The following GSR variants were observed in gnomAD, a reference collection of about 807,000 sequenced individuals.
The protein encoded by GSR is glutathione reductase, mitochondrial.
Under a neutral mutation model 56.5 loss-of-function variants are expected in GSR, and 48 were observed. The ratio of observed to expected loss-of-function variants is 0.85; its 90% CI spans 0.67 to 1.08. GSR has a LOEUF of 1.08. Among genes scored for constraint, GSR ranks in the 50% least tolerant of loss-of-function variants. The pLI is 0.00. For synonymous variants in GSR, 264 were observed against 270.8 expected (o/e 0.97, Z 0.25); for missense variants, 694 against 703.3 (o/e 0.99, Z 0.15).
chr8:30,725,212 G>A (rs1472905681), intron 1 of GSR, among the ~76,000 whole-genome samples: 2 of 152,136 alleles, frequency 1.3e-5, no homozygotes, highest in African/African-American at 4.8e-5. Flanking sequence ...GGAGGCCAAG[G>A]CAGGCCGACT....
chr8:30,724,322 T>C (rs1365824933), intron 1 of GSR, among the ~76,000 whole-genome samples: 1 of 152,318 alleles, frequency 6.6e-6, no homozygotes, highest in East Asian at 1.9e-4. Flanking sequence ...ACTGAGTCAC[T>C]GGTTTGCTCA....
At position 30,711,621 on chromosome 8, in the gene GSR, C is replaced by T. The variant is rs182093698; in HGVS notation, c.333+441G>A. Among the ~76,000 whole-genome samples, 514 of 152,222 alleles carry T rather than the reference C, an allele frequency of 3.4e-3. 6 individuals carry two copies. The highest frequency in any genetic ancestry group is 0.011 in the African/African-American group (470 of 41,556). ...CTGAGGTGGGCAGATCACCTGAGGT[C>T]AGGAGTTCGAGACCAGCCTGGCCAA... On this transcript the variant is annotated intron_variant, in intron 2 of 12. Transcript: ENST00000221130.
chr8:30,691,820 CG>C (rs1299883008), intron 8 of GSR, among the ~76,000 whole-genome samples: 1 of 151,536 alleles, frequency 6.6e-6, no homozygotes, highest in Non-Finnish European at 1.5e-5. Context: ...AATCAGGGGC[CG>C]GGTGTGGTGG....
intron 4 of GSR, 34 bp from the exon 5 acceptor site, chr8:30,703,274 A>G: frequency 6.2e-7 from 1 of 1,604,200 alleles, no homozygotes; most frequent in Non-Finnish European, 8.5e-7. Flanking sequence ...GCCTGTTCTT[A>G]GAATAAAAAC....
chr8:30,713,044 T>C (rs1377521938), intron 1 of GSR, among the ~76,000 whole-genome samples: 1 of 152,160 alleles, frequency 6.6e-6, no homozygotes, highest in Non-Finnish European at 1.5e-5. Context: ...AAACTACTTT[T>C]TTTTTTTTTT....
In GSR at chr8:30,727,427, C is replaced by T. The variant is rs2280856; in HGVS notation, c.306+103G>A. ...TTGCGGGGGTGGAAAAGAGGAAAGC[C>T]CAGCGCCGGGGGACAGGATCGCCAT... On this transcript the variant is annotated intron_variant, in intron 1 of 12. Transcript: ENST00000221130. 5.2e-6 allele frequency: 6 copies of T among 1,153,418 alleles called. No homozygotes were observed. The Admixed American group carries it at 1.3e-4, about 25-fold the overall frequency. 71.4% of individuals were successfully genotyped at this position (1,153,418 alleles called of 1,614,324 possible).
chr8:30,681,338 T>C (rs1407333146), intron 11 of GSR, among the ~76,000 whole-genome samples: 2 of 152,082 alleles, frequency 1.3e-5, no homozygotes, highest in African/African-American at 4.8e-5. Context: ...GAGACCAGCC[T>C]GGGCAACACA....
At chr8:30,707,256 G>A (rs1563538965) in intron 4 of GSR, among the ~76,000 whole-genome samples, 1 of 152,188 alleles carries the variant, frequency 6.6e-6, no homozygotes, top group African/African-American at 2.4e-5. Flanking sequence ...TGCCAGGCCA[G>A]ACCTACTCAA....
At chr8:30,684,034 G>C (rs948591073) in intron 10 of GSR, 54 bp downstream of exon 10, 4 of 909,924 alleles carry the variant, frequency 4.4e-6, no homozygotes, top group Non-Finnish European at 7.5e-6. Context: ...TGAAGAGCCA[G>C]ATGGATCATG....
At chr8:30,691,064 T>A (rs910418789) in intron 8 of GSR, among the ~76,000 whole-genome samples, 7 of 150,178 alleles carry the variant, frequency 4.7e-5, no homozygotes, top group Non-Finnish European at 8.9e-5. Context: ...GAAAAATAAT[T>A]TTAAAAATGA....
intron 5 of GSR, 91 bp downstream of exon 5, chr8:30,703,002 G>A (rs1803793978): frequency 7.5e-7 from 1 of 1,338,944 alleles, no homozygotes. Context: ...AGAGAGAACT[G>A]GTTTAGGCAG....
intron 3 of GSR, among the ~76,000 whole-genome samples, chr8:30,709,222 A>G (rs563077831): frequency 6.6e-6 from 1 of 151,890 alleles, no homozygotes; most frequent in East Asian, 1.9e-4. Flanking sequence ...AAAAATAGGC[A>G]GGCATGGTGG....
At chr8:30,708,683 G>A (rs540719801) in intron 3 of GSR, among the ~76,000 whole-genome samples, 7 of 152,222 alleles carry the variant, frequency 4.6e-5, no homozygotes, top group South Asian at 4.1e-4. Context: ...CAGGCCGGGC[G>A]CGGTGGCTCA....
In GSR at chr8:30,696,446, A is replaced by G; in HGVS notation, c.729T>C (p.Ala243=). The change falls in exon 7 of 13, where the codon GCT becomes GCC. Residue 243 remains alanine, a synonymous_variant. Coordinates refer to ENST00000221130, the MANE Select transcript of GSR (RefSeq NM_000637.5). ...CTGACAGGATCCCTGCCATCTCCAC[A>G]GCAATGTAACCTGCACCAACAATGA... ...RSVIVGAGYI[A]VEMAGILSAL... The G allele has an allele frequency of 1.2e-6, 2 of 1,613,614 alleles. No homozygotes were observed. Among genetic ancestry groups the G allele is most frequent in the Non-Finnish European group, 1.7e-6 (2 of 1,179,468 alleles).
chr8:30,720,102 T>C (rs1292262537), intron 1 of GSR, among the ~76,000 whole-genome samples: 1 of 151,946 alleles, frequency 6.6e-6, no homozygotes, highest in Non-Finnish European at 1.5e-5. Flanking sequence ...TAGTCCCAGC[T>C]ACATGGGAGG....
At chr8:30,706,329 A>C (rs1290135626) in intron 4 of GSR, among the ~76,000 whole-genome samples, 6 of 151,626 alleles carry the variant, frequency 4.0e-5, no homozygotes, top group African/African-American at 1.5e-4. Flanking sequence ...GTGAAACCCT[A>C]TCTCTACTAA....
chr8:30,683,522 T>C (rs1803026780), intron 10 of GSR, among the ~76,000 whole-genome samples: 1 of 152,052 alleles, frequency 6.6e-6, no homozygotes, highest in Non-Finnish European at 1.5e-5. Flanking sequence ...CTAGGCCATG[T>C]GTGGTGGCTC....
chr8:30,709,811 T>C lies in GSR; in HGVS notation c.422+3A>G, dbSNP rs758594965. The C allele has an allele frequency of 1.3e-6, 2 of 1,512,562 alleles. No individual in the cohort carries two copies. Among genetic ancestry groups the C allele is most frequent in the African/African-American group, 1.4e-5 (1 of 72,802 alleles). The allele number at this position is 1,512,562 out of a possible 1,614,324, so 93.7% of individuals were successfully genotyped here. ...ACTGAACCCTCTGAGTGTTGACACT[T>C]ACCGCCAATTGAATTTACCCTCACA... On this transcript the variant is annotated splice_donor_region_variant and intron_variant, in intron 3 of 12. Coordinates refer to ENST00000221130, the MANE Select transcript of GSR (RefSeq NM_000637.5).
At chr8:30,691,459 T>C (rs559209845) in intron 8 of GSR, among the ~76,000 whole-genome samples, 2 of 152,020 alleles carry the variant, frequency 1.3e-5, no homozygotes, top group Non-Finnish European at 2.9e-5. Flanking sequence ...GGTGAGCGGA[T>C]CACTTGAGGT....
Sources: allele counts gnomAD v4.1 joint callset (sites outside exome capture counted in the v4.1 genomes callset), GRCh38; gene constraint gnomAD v4.1.1; transcripts MANE v1.5; gene names NCBI Gene and HGNC (gene_info 2026-07-23, HGNC 2026-07-21).